NEK10: variants seen among roughly 807,000 people sequenced by gnomAD.
NEK10 encodes NIMA related kinase 10.
In NEK10, 122 loss-of-function variants were observed where a neutral mutation model predicts 159.8. The observed-to-expected ratio is 0.76, with a 90% CI of 0.66 to 0.89. The LOEUF is 0.89. Ranked by LOEUF, NEK10 falls within the 40% of genes least tolerant of loss-of-function variation. The probability of loss-of-function intolerance (pLI) is 0.00; values close to 1 mark genes in which losing one functional copy is unlikely to be tolerated. For synonymous variants in NEK10, 466 were observed against 457.1 expected, an observed-to-expected ratio of 1.02 and a Z score of -0.25; for missense variants, 1,342 against 1,323.1, an observed-to-expected ratio of 1.01 and a Z score of -0.22.
chr3:27,280,001 C>G (rs2042039006), intron 22 of NEK10, among the ~76,000 whole-genome samples: 1 of 150,216 alleles, frequency 6.7e-6, no homozygotes, highest in Non-Finnish European at 1.5e-5. Flanking sequence ...AACCCCGTCT[C>G]TCCTAAAATA....
chr3:27,217,746 A>G (rs1951676956), intron 23 of NEK10, among the ~76,000 whole-genome samples: 1 of 152,186 alleles, frequency 6.6e-6, no homozygotes, highest in Non-Finnish European at 1.5e-5. Context: ...AAAATATTCA[A>G]TAAAATACTA....
chr3:27,178,202 G>A (rs529238567), intron 26 of NEK10, among the ~76,000 whole-genome samples: 1 of 152,286 alleles, frequency 6.6e-6, no homozygotes, highest in Non-Finnish European at 1.5e-5. Context: ...TATGTGTGCA[G>A]CAGATCATAA....
At chr3:27,113,722 C>T (rs190328040) in intron 35 of NEK10, among the ~76,000 whole-genome samples, 16 of 152,102 alleles carry the variant, frequency 1.1e-4, no homozygotes, top group Middle Eastern at 3.4e-3. Context: ...GGAACTAGAT[C>T]GGTTTAAAAC....
intron 25 of NEK10, among the ~76,000 whole-genome samples, chr3:27,193,731 C>T (rs1324500772): frequency 2.7e-5 from 4 of 150,510 alleles, no homozygotes; most frequent in Non-Finnish European, 4.4e-5. Context: ...TACTTTTGGA[C>T]TGCCTTCAGA....
chr3:27,342,710 G>A (rs2047283615), intron 5 of NEK10, among the ~76,000 whole-genome samples: 1 of 151,860 alleles, frequency 6.6e-6, no homozygotes, highest in South Asian at 2.1e-4. Context: ...CCAGTGCCCG[G>A]TTATTTTCCC....
intron 19 of NEK10, 121 bp downstream of exon 19, chr3:27,290,496 G>T: frequency 1.5e-6 from 1 of 688,536 alleles, no homozygotes; most frequent in Non-Finnish European, 2.3e-6. Flanking sequence ...CACTGCTTCA[G>T]TGTCAATTAT....
At position 27,297,185 on chromosome 3, in the gene NEK10, C is replaced by T. The variant is rs1008214150; in HGVS notation, c.1224G>A (p.Val408=). ...TGAGAAGGAGTGCTCTCACCTGAAC[C>T]ACCTGGTGGGCATTGGTGTCATTGA... The part of the protein sequence containing the change: ...LVLNDTNAHQ[V]VQENGVYTIA... Residue 408 remains valine, a synonymous_variant, in exon 14 of 36, where the codon GTG becomes GTA. Coordinates refer to ENST00000691995, the MANE Select transcript of NEK10 (RefSeq NM_001394966.1). The T allele has an allele frequency of 1.9e-6, 3 of 1,611,500 alleles. No homozygotes were observed. Among genetic ancestry groups the T allele is most frequent in the Non-Finnish European group, 2.5e-6 (3 of 1,177,782 alleles).
intron 33 of NEK10, among the ~76,000 whole-genome samples, chr3:27,118,081 T>C (rs1339145105): frequency 6.6e-6 from 1 of 152,208 alleles, no homozygotes; most frequent in Non-Finnish European, 1.5e-5. Context: ...AGGAATCCTT[T>C]CCCCATTGCT....
At chr3:27,195,135 A>C (rs1949452458) in intron 25 of NEK10, among the ~76,000 whole-genome samples, 1 of 152,224 alleles carries the variant, frequency 6.6e-6, no homozygotes, top group Non-Finnish European at 1.5e-5. Flanking sequence ...AAGAAGATAT[A>C]TATGATTAGA....
chr3:27,174,933 A>G (rs1947362141), intron 26 of NEK10, 100 bp from the exon 27 acceptor site: 3 of 992,598 alleles, frequency 3.0e-6, no homozygotes, highest in Non-Finnish European at 4.5e-6. Context: ...TCAAATATCA[A>G]TATAAATGTT....
chr3:27,288,111 G>GT (rs1393150756), intron 19 of NEK10, among the ~76,000 whole-genome samples: 1 of 152,158 alleles, frequency 6.6e-6, no homozygotes. Flanking sequence ...GTGAAATGCG[G>GT]TAACTTCTGT....
chr3:27,206,299 A>G (rs1950541567), intron 23 of NEK10, among the ~76,000 whole-genome samples: 1 of 152,206 alleles, frequency 6.6e-6, no homozygotes, highest in Non-Finnish European at 1.5e-5. Context: ...ATCTGTTCTC[A>G]TGGGGCTCAC....
At chr3:27,296,871 T>C (rs1346616346) in intron 14 of NEK10, among the ~76,000 whole-genome samples, 1 of 152,166 alleles carries the variant, frequency 6.6e-6, no homozygotes, top group East Asian at 1.9e-4. Context: ...CTTATGGTAT[T>C]CTATACACCC....
intron 5 of NEK10, among the ~76,000 whole-genome samples, chr3:27,336,908 T>A (rs2046841398): frequency 6.6e-6 from 1 of 152,000 alleles, no homozygotes; most frequent in African/African-American, 2.4e-5. Context: ...CTGAAGGTTT[T>A]TCCTCCAAGA....
chr3:27,367,445 T>C (rs954842350), intron 1 of NEK10: 2 of 152,264 alleles, frequency 1.3e-5, no homozygotes, highest in African/African-American at 4.8e-5. Context: ...AACTGTGAAT[T>C]GAAGTAGTTT....
chr3:27,137,912 C>T (rs1943382958), intron 31 of NEK10, among the ~76,000 whole-genome samples: 1 of 152,184 alleles, frequency 6.6e-6, no homozygotes, highest in African/African-American at 2.4e-5. Flanking sequence ...GTCTAGTCCC[C>T]TAGGTTAAGT....
chr3:27,299,689 C>T (rs2043647796), intron 13 of NEK10, among the ~76,000 whole-genome samples: 1 of 152,182 alleles, frequency 6.6e-6, no homozygotes, highest in Admixed American at 6.5e-5. Context: ...GCCACAGGGG[C>T]GGAGCTGCCC....
intron 31 of NEK10, among the ~76,000 whole-genome samples, chr3:27,135,986 G>A (rs1454867612): frequency 6.6e-6 from 1 of 152,022 alleles, no homozygotes; most frequent in South Asian, 2.1e-4. Context: ...TTTCATTGGA[G>A]GACAACACAT....
chr3:27,138,275 T>C (rs1943425168), intron 31 of NEK10, among the ~76,000 whole-genome samples: 1 of 152,154 alleles, frequency 6.6e-6, no homozygotes, highest in South Asian at 2.1e-4. Context: ...CCCAGCACAA[T>C]ACCCTCAAGT....
Sources: gnomAD v4.1 joint callset for allele counts (sites outside exome capture counted in the v4.1 genomes callset) on GRCh38, gnomAD v4.1.1 for gene constraint, MANE v1.5 for transcripts, NCBI Gene and HGNC (gene_info 2026-07-23, HGNC 2026-07-21) for gene names.